The following PPP2R1B variants were observed in gnomAD, a reference collection of about 807,000 sequenced individuals.
The protein encoded by PPP2R1B is protein phosphatase 2 scaffold subunit Abeta.
Under a neutral mutation model 72.7 loss-of-function variants are expected in PPP2R1B, and 58 were observed. The ratio of observed to expected loss-of-function variants is 0.80; its 90% confidence interval spans 0.65 to 0.99. The LOEUF is 0.99. Among genes scored for constraint, PPP2R1B ranks in the 50% least tolerant of loss-of-function variants. The pLI, the probability that PPP2R1B is intolerant of heterozygous loss-of-function variation, is 0.00. For missense variants in PPP2R1B, 695 were observed against 733.6 expected (o/e 0.95, Z 0.61); for synonymous variants, 256 against 264.6 (o/e 0.97, Z 0.32).
chr11:111,720,978 G>C, the PPP2R1B span: 1 of 1,614,184 alleles, frequency 6.2e-7, no homozygotes, highest in Middle Eastern at 1.6e-4. Flanking sequence ...TGCAGTTGTT[G>C]TATGAACAAA....
Position 111,752,277 on chromosome 11 carries a change from A to G in PPP2R1B, c.1220T>C (p.Ile407Thr), listed in dbSNP as rs1459101838. The G allele has an allele frequency of 8.1e-6, 13 of 1,614,032 alleles. No homozygotes were observed. The highest frequency in any genetic ancestry group is 2.7e-5 in the African/African-American group (2 of 74,938). The change falls in exon 10 of 15, where the codon ATT (isoleucine) becomes ACT (threonine). Residue 407 changes from isoleucine to threonine, a missense_variant. Coordinates refer to ENST00000527614, the MANE Select transcript of PPP2R1B (RefSeq NM_002716.5). ...ISNLDCVNEV[I>T]GIRQLSQSLL... is the part of the protein sequence containing the mutation. ...AGACTGAGAGAGCTGACGGATTCCA[A>G]TCACTTCATTTACACAATCCAAATT...
Position 111,753,491 on chromosome 11 carries a change from A to G in PPP2R1B, c.1116T>C (p.Asn372=). Residue 372 remains asparagine, a synonymous_variant, in exon 9 of 15, where the codon AAT becomes AAC. Transcript: ENST00000527614. ...MGLSTILGKE[N]TIEHLLPLFL... Reference sequence around the variant, plus strand: ...AAAGAGGTAGAAGATGTTCAATGGTATTTTCTTTGCCCAAAATAGTAGACA... The same window carrying G: ...AAAGAGGTAGAAGATGTTCAATGGTGTTTTCTTTGCCCAAAATAGTAGACA... 2 of 1,613,934 alleles carry G rather than the reference A, an allele frequency of 1.2e-6. No homozygotes were observed. The highest frequency in any genetic ancestry group is 1.7e-6 in the Non-Finnish European group (2 of 1,179,916).
intron 2 of PPP2R1B, 73 bp from the exon 3 acceptor site, chr11:111,764,978 A>C: frequency 6.4e-7 from 1 of 1,574,230 alleles, no homozygotes; most frequent in Non-Finnish European, 8.6e-7. Context: ...CAAAACTAGG[A>C]ACAGATTCAC....
chr11:111,731,677 C>A (rs1944199207), intron 15 of PPP2R1B, among the ~76,000 whole-genome samples: 2 of 152,194 alleles, frequency 1.3e-5, no homozygotes, highest in Admixed American at 6.5e-5. Context: ...AAGGTGCAGT[C>A]GGCAGGGCCC....
chr11:111,734,099 C>G (rs189531919), downstream of PPP2R1B, among the ~76,000 whole-genome samples: 2 of 152,194 alleles, frequency 1.3e-5, no homozygotes, highest in Non-Finnish European at 2.9e-5. Flanking sequence ...GGGTTTACTG[C>G]GAGGGGCAAA....
At chr11:111,715,406 TTGA>T in the PPP2R1B span, among the ~76,000 whole-genome samples, 1 of 152,234 alleles carries the variant, frequency 6.6e-6, no homozygotes, top group Non-Finnish European at 1.5e-5. Context: ...TGTTTTCTGA[TTGA>T]TGCTTCATTG....
chr11:111,743,340 GA>G, intron 12 of PPP2R1B, 35 bp downstream of exon 12: 1 of 1,560,626 alleles, frequency 6.4e-7, no homozygotes. Flanking sequence ...TTGCTTTAAT[GA>G]TTAAGCTTAG....
intron 15 of PPP2R1B, among the ~76,000 whole-genome samples, chr11:111,731,710 G>T (rs1412392070): frequency 1.1e-4 from 16 of 152,250 alleles, no homozygotes; most frequent in Non-Finnish European, 1.0e-4. Flanking sequence ...GCTGGAAGGA[G>T]CGGAGCCCTC....
At chr11:111,721,025 C>T in the PPP2R1B span, 1 of 1,614,030 alleles carries the variant, frequency 6.2e-7, no homozygotes, top group Non-Finnish European at 8.5e-7. Flanking sequence ...GCGCCGGCGG[C>T]TCCTCAGCTC....
chr11:111,700,545 T>C, the PPP2R1B span, among the ~76,000 whole-genome samples: 1 of 152,258 alleles, frequency 6.6e-6, no homozygotes, highest in Admixed American at 6.5e-5. Flanking sequence ...TTAGCAGTCA[T>C]CAGGTAATTG....
the PPP2R1B span, chr11:111,700,760 C>G: frequency 8.9e-7 from 1 of 1,125,530 alleles, no homozygotes; most frequent in East Asian, 2.6e-5. Context: ...AGATAAGATG[C>G]CATCCCAGTC....
the PPP2R1B span, among the ~76,000 whole-genome samples, chr11:111,689,310 G>A: frequency 6.6e-6 from 1 of 152,176 alleles, no homozygotes; most frequent in Non-Finnish European, 1.5e-5. Flanking sequence ...TAGGGGTAAA[G>A]TGGAATTGGG....
At chr11:111,714,589 T>G in the PPP2R1B span, among the ~76,000 whole-genome samples, 1 of 152,136 alleles carries the variant, frequency 6.6e-6, no homozygotes, top group Non-Finnish European at 1.5e-5. Flanking sequence ...CAGATAAAAT[T>G]GATAGACTAT....
chr11:111,750,085 T>C lies in PPP2R1B; in HGVS notation c.1339-2071A>G, dbSNP rs1298793444. Among the ~76,000 whole-genome samples the C allele has an allele frequency of 3.3e-5, 5 of 152,194 alleles. No individual in the cohort carries two copies. In the East Asian group the frequency reaches 7.7e-4, roughly 23 times the overall value. ...ACAAAATAACTTCACCTGATCCCAT[T>C]TGCCATGCACTAATACCTCTGGTAT... On this transcript the variant is annotated intron_variant, in intron 10 of 14. Transcript: ENST00000527614.
At chr11:111,765,655 A>C in intron 1 of PPP2R1B, 2 of 516,482 alleles carry the variant, frequency 3.9e-6, no homozygotes, top group Non-Finnish European at 7.3e-6. Context: ...AGGAAGTAAG[A>C]TAATTTTAAA....
chr11:111,716,898 A>T, the PPP2R1B span, among the ~76,000 whole-genome samples: 2 of 152,214 alleles, frequency 1.3e-5, no homozygotes, highest in Non-Finnish European at 2.9e-5. Flanking sequence ...CAAAGGTCTA[A>T]TATCCAGCCC....
At chr11:111,765,774 G>A (rs1281651049) in intron 1 of PPP2R1B, 9 of 475,494 alleles carry the variant, frequency 1.9e-5, no homozygotes, top group African/African-American at 1.8e-4. Flanking sequence ...CAGATTAATC[G>A]GCCATCCCAC....
At chr11:111,766,147 C>A in intron 1 of PPP2R1B, 101 bp downstream of exon 1, 1 of 1,119,616 alleles carries the variant, frequency 8.9e-7, no homozygotes, top group Non-Finnish European at 1.3e-6. Context: ...GAGTCCGACT[C>A]ATTCAGTACC....
intron 1 of PPP2R1B, chr11:111,765,958 G>T: frequency 1.8e-6 from 1 of 555,804 alleles, no homozygotes; most frequent in Admixed American, 2.2e-5. Flanking sequence ...CTCACGGCCC[G>T]GATGGGGCGC....
Sources: allele counts gnomAD v4.1 joint callset (sites outside exome capture counted in the v4.1 genomes callset), GRCh38; gene constraint gnomAD v4.1.1; transcripts MANE v1.5; gene names NCBI Gene and HGNC (gene_info 2026-07-23, HGNC 2026-07-21).